The following EYS variants were observed in gnomAD, a reference collection of about 807,000 sequenced individuals.
EYS encodes the protein protein eyes shut homolog.
EYS carries 250 observed loss-of-function variants against 282.1 expected under a neutral mutation model. The ratio of observed to expected loss-of-function variants is 0.89; its 90% CI spans 0.80 to 0.98. The LOEUF is 0.98. Among genes scored for constraint, EYS ranks in the 50% least tolerant of loss-of-function variants. The pLI, the probability that EYS is intolerant of heterozygous loss-of-function variation, is 0.00. For missense variants in EYS, 4,016 were observed against 3,709.0 expected (o/e 1.08, Z -2.15); for synonymous variants, 1,355 against 1,282.9 (o/e 1.06, Z -1.20).
At chr6:64,902,963 T>C (rs766794700) in intron 16 of EYS, among the ~76,000 whole-genome samples, 3 of 152,064 alleles carry the variant, frequency 2.0e-5, no homozygotes, top group Non-Finnish European at 4.4e-5. Context: ...CAAATTATTT[T>C]GATTCACAGC....
intron 35 of EYS, among the ~76,000 whole-genome samples, chr6:63,952,179 A>C (rs1013275021): frequency 6.6e-6 from 1 of 152,250 alleles, no homozygotes; most frequent in Admixed American, 6.5e-5. Flanking sequence ...ATCTTGCTTC[A>C]AGTGCCAGAA....
chr6:64,110,768 T>G (rs372890597), intron 31 of EYS, among the ~76,000 whole-genome samples: 2 of 151,856 alleles, frequency 1.3e-5, no homozygotes, highest in Non-Finnish European at 2.9e-5. Flanking sequence ...TGAGAGGATA[T>G]AGCAAAGGAG....
At chr6:64,779,284 T>C (rs957040661) in intron 22 of EYS, among the ~76,000 whole-genome samples, 3 of 152,064 alleles carry the variant, frequency 2.0e-5, no homozygotes, top group African/African-American at 7.2e-5. Flanking sequence ...CTGAAGTATA[T>C]CTATACAATA....
At chr6:64,225,162 A>G (rs757489944) in intron 31 of EYS, among the ~76,000 whole-genome samples, 2 of 151,932 alleles carry the variant, frequency 1.3e-5, no homozygotes, top group African/African-American at 2.4e-5. Context: ...CCTTTGATAC[A>G]TTTTCTAAGC....
At chr6:64,197,443 T>C (rs979855122) in intron 31 of EYS, among the ~76,000 whole-genome samples, 6 of 152,236 alleles carry the variant, frequency 3.9e-5, no homozygotes, top group Non-Finnish European at 7.3e-5. Flanking sequence ...TCAAGTTCAC[T>C]AGTGAAGCAA....
chr6:64,580,314 C>T (rs187457452), intron 26 of EYS, among the ~76,000 whole-genome samples: 20 of 152,176 alleles, frequency 1.3e-4, no homozygotes, highest in Admixed American at 1.1e-3. Flanking sequence ...GTCAAGGTGA[C>T]ATTGAGTTAT....
chr6:64,150,798 C>A (rs1042501439), intron 31 of EYS, among the ~76,000 whole-genome samples: 3 of 152,096 alleles, frequency 2.0e-5, no homozygotes, highest in African/African-American at 7.2e-5. Context: ...GAGTTTGAGA[C>A]CCTCTCGATG....
chr6:64,540,599 C>T (rs1229736220), intron 26 of EYS, among the ~76,000 whole-genome samples: 1 of 151,300 alleles, frequency 6.6e-6, no homozygotes, highest in Non-Finnish European at 1.5e-5. Flanking sequence ...TCACCAGCCT[C>T]AGCCTCCTGA....
At chr6:64,576,551 TG>T (rs1765888176) in intron 26 of EYS, among the ~76,000 whole-genome samples, 1 of 152,024 alleles carries the variant, frequency 6.6e-6, no homozygotes, top group African/African-American at 2.4e-5. Flanking sequence ...TAGATATTTA[TG>T]GGGAAAGGTC....
At chr6:63,975,304 A>T (rs9444417) in intron 35 of EYS, among the ~76,000 whole-genome samples, 53,537 of 151,640 alleles carry the variant, frequency 0.35, 9,518 homozygotes, top group African/African-American at 0.38. Flanking sequence ...TCCCACGATC[A>T]TTACACTGCT....
intron 41 of EYS, among the ~76,000 whole-genome samples, chr6:63,756,196 G>C (rs1042831426): frequency 6.6e-6 from 1 of 152,168 alleles, no homozygotes; most frequent in African/African-American, 2.4e-5. Flanking sequence ...GAGCATCCTT[G>C]TCTTGTGCCG....
At chr6:65,135,029 G>C (rs1442360744) in intron 12 of EYS, among the ~76,000 whole-genome samples, 1 of 151,962 alleles carries the variant, frequency 6.6e-6, no homozygotes, top group Non-Finnish European at 1.5e-5. Flanking sequence ...AGATGATTTA[G>C]GTTGGAACTC....
Position 63,737,800 on chromosome 6 carries a change from C to G in EYS, c.8072-11120G>C, listed in dbSNP as rs191031303. Among the ~76,000 whole-genome samples the G allele has an allele frequency of 2.9e-4, 44 of 152,128 alleles. 1 individual carries two copies. The highest frequency in any genetic ancestry group is 1.8e-3 in the Admixed American group (27 of 15,272). ...AACTACCATCAGAGTGAAGAGGCAA[C>G]CTACAAAATGGGAGAAAATTTTCGC... On this transcript the variant is annotated intron_variant, in intron 41 of 42. Transcript: ENST00000503581.
At chr6:64,648,630 A>C (rs924875484) in intron 22 of EYS, among the ~76,000 whole-genome samples, 1 of 152,198 alleles carries the variant, frequency 6.6e-6, no homozygotes, top group Non-Finnish European at 1.5e-5. Context: ...ATGTCAGATA[A>C]ACCAAAATTG....
chr6:64,209,438 A>G (rs1409789131), intron 31 of EYS, among the ~76,000 whole-genome samples: 1 of 152,180 alleles, frequency 6.6e-6, no homozygotes, highest in Non-Finnish European at 1.5e-5. Context: ...GCATCTAAAC[A>G]TGGACTCAGT....
chr6:64,972,445 A>G (rs1770327066), intron 14 of EYS, among the ~76,000 whole-genome samples: 1 of 151,766 alleles, frequency 6.6e-6, no homozygotes, highest in African/African-American at 2.4e-5. Context: ...CACCTCTTCC[A>G]CCTCTGCGAC....
chr6:64,660,877 G>GA (rs1184297226), intron 22 of EYS, among the ~76,000 whole-genome samples: 5 of 152,046 alleles, frequency 3.3e-5, no homozygotes, highest in African/African-American at 1.2e-4. Context: ...CACAGAATTG[G>GA]AAAAAACTAC....
intron 11 of EYS, among the ~76,000 whole-genome samples, chr6:65,328,624 T>C (rs1769689682): frequency 1.3e-5 from 2 of 151,062 alleles, no homozygotes; most frequent in African/African-American, 2.4e-5. Context: ...GTATTAAATA[T>C]ATAAATTTTA....
intron 28 of EYS, among the ~76,000 whole-genome samples, chr6:64,395,804 CA>C (rs1326946310): frequency 4.5e-4 from 67 of 150,262 alleles, no homozygotes; most frequent in African/African-American, 1.5e-3. Flanking sequence ...GAAAAAAAAA[CA>C]AAAAAACAAA....
Sources: allele counts gnomAD v4.1 joint callset (sites outside exome capture counted in the v4.1 genomes callset), GRCh38; gene constraint gnomAD v4.1.1; transcripts MANE v1.5; gene names NCBI Gene and HGNC (gene_info 2026-07-23, HGNC 2026-07-21).